PDE1A: variants seen among roughly 807,000 people sequenced by gnomAD.
PDE1A encodes dual specificity calcium/calmodulin-dependent 3',5'-cyclic nucleotide phosphodiesterase 1A.
PDE1A carries 35 observed loss-of-function variants against 61.7 expected under a neutral mutation model. The ratio of observed to expected loss-of-function variants is 0.57; its 90% CI spans 0.43 to 0.75. The LOEUF (loss-of-function observed/expected upper bound fraction) is 0.75, where lower values mean the gene tolerates loss of function less well. PDE1A is among the 30% of genes least tolerant of loss of function. The probability of loss-of-function intolerance (pLI) is 0.00; values close to 1 mark genes in which losing one functional copy is unlikely to be tolerated. For synonymous variants in PDE1A, 232 were observed against 213.2 expected (o/e 1.09, Z -0.77); for missense variants, 597 against 630.6 (o/e 0.95, Z 0.57).
the PDE1A span, among the ~76,000 whole-genome samples, chr2:182,565,635 C>T: frequency 6.6e-6 from 1 of 152,056 alleles, no homozygotes; most frequent in Non-Finnish European, 1.5e-5. Context: ...GGTTGAACCA[C>T]TGGTGATGAG....
At chr2:182,600,352 AAT>A in the PDE1A span, among the ~76,000 whole-genome samples, 3 of 152,214 alleles carry the variant, frequency 2.0e-5, no homozygotes, top group Non-Finnish European at 4.4e-5. Context: ...GTTGTTTAGA[AAT>A]CCCAAGCCTT....
chr2:182,209,668 T>C (rs1183546976), intron 7 of PDE1A, among the ~76,000 whole-genome samples: 1 of 151,874 alleles, frequency 6.6e-6, no homozygotes. Flanking sequence ...TGAGTTCTCA[T>C]AAGATCTGGT....
the PDE1A span, among the ~76,000 whole-genome samples, chr2:182,596,702 G>GATGGATGA: frequency 5.9e-5 from 9 of 152,080 alleles, no homozygotes; most frequent in Admixed American, 5.9e-4. Flanking sequence ...TGGATGGATG[G>GATGGATGA]ATGGATGGAT....
chr2:182,319,514 A>C (rs1447525807), intron 1 of PDE1A, among the ~76,000 whole-genome samples: 1 of 152,160 alleles, frequency 6.6e-6, no homozygotes, highest in African/African-American at 2.4e-5. Flanking sequence ...TCTAAATGGA[A>C]GTTACTTTGC....
At chr2:182,693,285 T>C in the PDE1A span, among the ~76,000 whole-genome samples, 1 of 152,118 alleles carries the variant, frequency 6.6e-6, no homozygotes, top group East Asian at 1.9e-4. Context: ...TCTACCCAAT[T>C]CTCCCCATCC....
intron 1 of PDE1A, among the ~76,000 whole-genome samples, chr2:182,304,238 T>C (rs537400388): frequency 2.1e-4 from 32 of 152,328 alleles, no homozygotes; most frequent in African/African-American, 7.5e-4. Context: ...AAAATTCTTC[T>C]TCTGCAGCTT....
At chr2:182,455,317 A>T (rs181498820) in intron 2 of PDE1A, among the ~76,000 whole-genome samples, 1 of 152,244 alleles carries the variant, frequency 6.6e-6, no homozygotes, top group East Asian at 1.9e-4. Context: ...TGGGACTGTA[A>T]ACTAGTTCAA....
At chr2:182,584,164 C>G in the PDE1A span, among the ~76,000 whole-genome samples, 1 of 150,252 alleles carries the variant, frequency 6.7e-6, no homozygotes, top group Non-Finnish European at 1.5e-5. Context: ...AATCTGAATT[C>G]TAGTTCTACT....
intron 2 of PDE1A, among the ~76,000 whole-genome samples, chr2:182,463,318 A>G (rs1222997401): frequency 6.6e-6 from 1 of 152,008 alleles, no homozygotes; most frequent in Non-Finnish European, 1.5e-5. Context: ...ATCTGAAAAT[A>G]TTAGTTAATT....
chr2:182,507,936 T>G (rs1689516731), intron 2 of PDE1A, among the ~76,000 whole-genome samples: 1 of 152,100 alleles, frequency 6.6e-6, no homozygotes, highest in African/African-American at 2.4e-5. Flanking sequence ...AAGTTCTGTT[T>G]GGGAAGTAAG....
chr2:182,395,411 C>T (rs1277675068), intron 1 of PDE1A, among the ~76,000 whole-genome samples: 1 of 152,112 alleles, frequency 6.6e-6, no homozygotes, highest in Non-Finnish European at 1.5e-5. Flanking sequence ...CATTTGTGTG[C>T]CAGAGGACAG....
intron 10 of PDE1A, 127 bp from the exon 11 acceptor site, chr2:182,189,187 T>A: frequency 1.8e-6 from 1 of 557,428 alleles, no homozygotes; most frequent in Middle Eastern, 3.1e-4. Context: ...TTTTCTTATT[T>A]ATAAAACCAA....
At chr2:182,494,431 C>G (rs1350376629) in intron 2 of PDE1A, among the ~76,000 whole-genome samples, 1 of 131,146 alleles carries the variant, frequency 7.6e-6, no homozygotes, top group East Asian at 2.0e-4. Context: ...ACCACCATCC[C>G]TTAGCCCAGA....
chr2:182,674,087 A>ATAAAG, the PDE1A span, among the ~76,000 whole-genome samples: 1 of 151,296 alleles, frequency 6.6e-6, no homozygotes, highest in African/African-American at 2.4e-5. Context: ...TTTATGGATG[A>ATAAAG]TAAAGCTAAG....
intron 13 of PDE1A, among the ~76,000 whole-genome samples, chr2:182,168,567 T>C (rs960963498): frequency 1.3e-5 from 2 of 152,116 alleles, no homozygotes; most frequent in African/African-American, 4.8e-5. Context: ...ACTTGAATTG[T>C]TGCCTGGATT....
At chr2:182,283,384 G>T (rs1693944339) in intron 1 of PDE1A, among the ~76,000 whole-genome samples, 1 of 151,154 alleles carries the variant, frequency 6.6e-6, no homozygotes, top group South Asian at 2.1e-4. Context: ...ACATGGTTTT[G>T]GTATAAAGGG....
intron 2 of PDE1A, among the ~76,000 whole-genome samples, chr2:182,488,709 G>T (rs1192152246): frequency 2.0e-5 from 3 of 152,168 alleles, no homozygotes; most frequent in Non-Finnish European, 4.4e-5. Context: ...ATTGTAATTT[G>T]CCCACCAAAT....
chr2:182,660,848 A>G, the PDE1A span, among the ~76,000 whole-genome samples: 2 of 152,224 alleles, frequency 1.3e-5, no homozygotes, highest in African/African-American at 2.4e-5. Context: ...TTAAGACTCA[A>G]ACAGAGAGTT....
chr2:182,329,885 C>T (rs1237815275), intron 1 of PDE1A, among the ~76,000 whole-genome samples: 1 of 152,120 alleles, frequency 6.6e-6, no homozygotes. Context: ...TCCATGAAAG[C>T]GGGTTGTTTT....
Sources: gnomAD v4.1 joint callset for allele counts (sites outside exome capture counted in the v4.1 genomes callset) on GRCh38, gnomAD v4.1.1 for gene constraint, MANE v1.5 for transcripts, NCBI Gene and HGNC (gene_info 2026-07-23, HGNC 2026-07-21) for gene names.